PLXDC2: variants seen among roughly 807,000 people sequenced by gnomAD.
The protein encoded by PLXDC2 is plexin domain-containing protein 2.
A neutral mutation model predicts 68.9 loss-of-function variants in PLXDC2; 40 were observed. The ratio of observed to expected loss-of-function variants is 0.58; its 90% CI spans 0.45 to 0.76. The LOEUF (loss-of-function observed/expected upper bound fraction) is 0.76. Ranked by LOEUF, PLXDC2 falls within the 30% of genes least tolerant of loss-of-function variation. The pLI, the probability that PLXDC2 is intolerant of heterozygous loss-of-function variation, is 0.00. For synonymous variants in PLXDC2, 243 were observed against 234.2 expected, an observed-to-expected ratio of 1.04 and a Z score of -0.34; for missense variants, 644 against 661.9, an observed-to-expected ratio of 0.97 and a Z score of 0.30.
intron 13 of PLXDC2, among the ~76,000 whole-genome samples, chr10:20,250,697 T>G (rs948606680): frequency 6.6e-6 from 1 of 152,156 alleles, no homozygotes; most frequent in African/African-American, 2.4e-5. Flanking sequence ...TATGTAGAAA[T>G]GCAGGCTGAT....
rs980739564 is a variant in PLXDC2 at position 20,282,049 on chromosome 10, A to G, written c.*2230A>G. On this transcript the variant is annotated 3_prime_UTR_variant, in exon 14 of 14. Coordinates refer to ENST00000377252, the MANE Select transcript of PLXDC2 (RefSeq NM_032812.9). ...GATTCAAAACAATTGATTCAAAACA[A>G]TTTTGAATCAATTTTCTATTTTGAT... The G allele has an allele frequency of 1.1e-4, 17 of 152,134 alleles. No individual in the cohort carries two copies. Among genetic ancestry groups the G allele is most frequent in the Non-Finnish European group, 1.9e-4 (13 of 68,014 alleles). 9.4% of individuals were successfully genotyped at this position (152,134 alleles called of 1,614,324 possible).
At chr10:19,890,393 C>T (rs977076353) in intron 1 of PLXDC2, among the ~76,000 whole-genome samples, 8 of 152,088 alleles carry the variant, frequency 5.3e-5, no homozygotes, top group African/African-American at 1.9e-4. Flanking sequence ...CAGCCCTTGC[C>T]CCTCTTCTTC....
intron 1 of PLXDC2, among the ~76,000 whole-genome samples, chr10:19,984,691 G>A (rs1834607065): frequency 6.6e-6 from 1 of 152,148 alleles, no homozygotes; most frequent in Non-Finnish European, 1.5e-5. Context: ...AGAGACACAG[G>A]AGAAATAGAA....
chr10:20,289,728 C>T lies in PLXDC2; in HGVS notation c.*9909C>T, dbSNP rs1836205827. ...AGCTGTCGGGAATTCCTGTCAGTGG[C>T]ATTCCCTGAGCACTGGCTCTGTACA... On this transcript the variant is annotated 3_prime_UTR_variant, in exon 14 of 14. Transcript: ENST00000377252. 1.3e-5 allele frequency: 2 copies of T among 152,248 alleles called. No homozygotes were observed. The highest frequency in any genetic ancestry group is 4.8e-5 in the African/African-American group (2 of 41,434). The allele number at this position is 152,248 out of a possible 1,614,324, so 9.4% of individuals were successfully genotyped here. A position where few individuals can be genotyped will look rare whatever the true frequency, so the allele number is the denominator to read the frequency against.
intron 4 of PLXDC2, among the ~76,000 whole-genome samples, chr10:20,080,080 A>G (rs772926193): frequency 6.6e-6 from 1 of 152,212 alleles, no homozygotes; most frequent in African/African-American, 2.4e-5. Context: ...CAACTAAACA[A>G]TGAGCAAATG....
intron 1 of PLXDC2, among the ~76,000 whole-genome samples, chr10:19,937,544 GTA>G (rs71388881): frequency 0.085 from 8,140 of 95,340 alleles, 314 homozygotes; most frequent in Admixed American, 0.12. Context: ...TATAGTCAAT[GTA>G]TATATATATA....
At chr10:20,120,150 A>T (rs1347809608) in intron 4 of PLXDC2, among the ~76,000 whole-genome samples, 2 of 152,106 alleles carry the variant, frequency 1.3e-5, no homozygotes, top group East Asian at 3.9e-4. Flanking sequence ...GTATGACTAG[A>T]CAGAAGATAG....
intron 9 of PLXDC2, among the ~76,000 whole-genome samples, chr10:20,180,801 T>G (rs578219611): frequency 6.6e-6 from 1 of 152,102 alleles, no homozygotes; most frequent in African/African-American, 2.4e-5. Flanking sequence ...AGGAGATCCA[T>G]GATCTCAAGT....
chr10:19,963,859 C>CT (rs1163233280), intron 1 of PLXDC2, among the ~76,000 whole-genome samples: 2 of 151,912 alleles, frequency 1.3e-5, no homozygotes, highest in Non-Finnish European at 1.5e-5. Flanking sequence ...AAAAAACAAG[C>CT]TTTTGTTTCT....
At chr10:19,833,121 G>A (rs115129545) in intron 1 of PLXDC2, among the ~76,000 whole-genome samples, 36 of 152,288 alleles carry the variant, frequency 2.4e-4, no homozygotes, top group African/African-American at 7.9e-4. Flanking sequence ...ACAAAAAAGG[G>A]CAGGGCAAGG....
intron 1 of PLXDC2, among the ~76,000 whole-genome samples, chr10:19,931,300 C>G (rs1833628553): frequency 6.6e-6 from 1 of 152,202 alleles, no homozygotes; most frequent in South Asian, 2.1e-4. Flanking sequence ...TCTTTCCACT[C>G]TCACCTCTGA....
Position 19,915,537 on chromosome 10 carries a change from T to C in PLXDC2, c.113-86238T>C, listed in dbSNP as rs188386636. Among the ~76,000 whole-genome samples, 7 of 152,336 alleles carry C rather than the reference T, an allele frequency of 4.6e-5. No homozygotes were observed. The East Asian group carries it at 1.4e-3, about 29-fold the overall frequency. On this transcript the variant is annotated intron_variant, in intron 1 of 13. Transcript: ENST00000377252. ...TCATGAGAAAATGAGTAGTGTATTT[T>C]ACCCATAGATTTTCCTGCTCTATTG...
intron 4 of PLXDC2, among the ~76,000 whole-genome samples, chr10:20,099,435 A>G (rs906196634): frequency 6.6e-6 from 1 of 152,196 alleles, no homozygotes; most frequent in African/African-American, 2.4e-5. Flanking sequence ...ATAGTTTTAA[A>G]AATCTTCCAC....
chr10:20,128,468 A>G (rs919905947), intron 4 of PLXDC2, among the ~76,000 whole-genome samples: 1 of 152,202 alleles, frequency 6.6e-6, no homozygotes, highest in African/African-American at 2.4e-5. Flanking sequence ...TATAAGCTTG[A>G]TTAATATATC....
intron 9 of PLXDC2, 126 bp downstream of exon 9, chr10:20,177,535 T>A: frequency 3.0e-6 from 1 of 329,344 alleles, no homozygotes; most frequent in Non-Finnish European, 4.9e-6. Flanking sequence ...TGAGAGAAAG[T>A]AGGAGGGATG....
chr10:20,053,429 A>T (rs1005717170), intron 3 of PLXDC2, among the ~76,000 whole-genome samples: 13 of 152,250 alleles, frequency 8.5e-5, no homozygotes, highest in Middle Eastern at 3.4e-3. Flanking sequence ...ACTTTATATT[A>T]AAATTCTCAC....
At chr10:19,842,402 T>G (rs1836926393) in intron 1 of PLXDC2, among the ~76,000 whole-genome samples, 1 of 152,138 alleles carries the variant, frequency 6.6e-6, no homozygotes, top group Non-Finnish European at 1.5e-5. Flanking sequence ...GCTTCAATGC[T>G]GGGATTACTT....
chr10:19,859,832 A>G (rs1837286236), intron 1 of PLXDC2, among the ~76,000 whole-genome samples: 1 of 152,102 alleles, frequency 6.6e-6, no homozygotes, highest in East Asian at 1.9e-4. Context: ...CCTGGGTTCA[A>G]GCGATTCTCG....
intron 4 of PLXDC2, among the ~76,000 whole-genome samples, chr10:20,123,367 G>A (rs2131764077): frequency 6.6e-6 from 1 of 152,166 alleles, no homozygotes; most frequent in East Asian, 1.9e-4. Context: ...ACTAGAGAGG[G>A]ACCGATGTGT....
Sources: allele counts gnomAD v4.1 joint callset (sites outside exome capture counted in the v4.1 genomes callset), GRCh38; gene constraint gnomAD v4.1.1; transcripts MANE v1.5; gene names NCBI Gene and HGNC (gene_info 2026-07-23, HGNC 2026-07-21).